BAHCC1: variants seen among roughly 807,000 people sequenced by gnomAD.
BAHCC1 encodes BAH and coiled-coil domain-containing protein 1.
A neutral mutation model predicts 88.2 loss-of-function variants in BAHCC1; 43 were observed. The observed-to-expected ratio is 0.49, with a 90% CI of 0.38 to 0.63. The LOEUF (loss-of-function observed/expected upper bound fraction) is 0.63. Ranked by LOEUF, BAHCC1 falls within the 20% of genes least tolerant of loss-of-function variation. BAHCC1 has a pLI of 0.00. For synonymous variants in BAHCC1, 1,510 were observed against 745.5 expected (o/e 2.03, Z -16.71); for missense variants, 3,023 against 1,654.8 (o/e 1.83, Z -14.34).
chr17:81,461,170 C>T lies in BAHCC1; in HGVS notation c.6507C>T (p.Val2169=), dbSNP rs782800037. 19 of 751,340 alleles carry T rather than the reference C, an allele frequency of 2.5e-5. No individual in the cohort carries two copies. Among genetic ancestry groups the T allele is most frequent in the African/African-American group, 5.1e-5 (3 of 58,660 alleles). 46.5% of individuals were successfully genotyped at this position (751,340 alleles called of 1,614,324 possible). The change falls in exon 26 of 28, where the codon GTC becomes GTT. Residue 2169 remains valine (V), a synonymous_variant. Transcript: ENST00000675386. ...SSLASSYAPF[V]GGTGPGLPRG... ...TGGCCAGCTCCTACGCGCCCTTCGT[C>T]GGGGGGACCGGGCCGGGCCTCCCCA...
At position 81,443,371 on chromosome 17, in the gene BAHCC1, C is replaced by T. The variant is rs2143522855; in HGVS notation, c.2022C>T (p.Gly674=). Reference sequence around the variant, plus strand: ...AAGCAAAGTTCCTGTCCTCTAAGGGCCCAGGCCAGTCGGAGAGGCCGGACT... The same window carrying T: ...AAGCAAAGTTCCTGTCCTCTAAGGGTCCAGGCCAGTCGGAGAGGCCGGACT... ...QQEAKFLSSK[G]PGQSERPDCA... The change falls in exon 5 of 28, where the codon GGC becomes GGT. Residue 674 remains glycine (G), a synonymous_variant. Transcript: ENST00000675386. 1.3e-6 allele frequency: 1 copy of T among 777,074 alleles called. No individual in the cohort carries two copies. Among genetic ancestry groups the T allele is most frequent in the East Asian group, 2.4e-5 (1 of 41,132 alleles). 48.1% of individuals were successfully genotyped at this position (777,074 alleles called of 1,614,324 possible). A position where few individuals can be genotyped will look rare whatever the true frequency, so the allele number is the denominator to read the frequency against.
In BAHCC1 at chr17:81,443,881, A is replaced by G. The variant is rs2064472200; in HGVS notation, c.2288A>G (p.Asp763Gly). 5.6e-6 allele frequency: 4 copies of G among 713,562 alleles called. No homozygotes were observed. Among genetic ancestry groups the G allele is most frequent in the Admixed American group, 2.0e-5 (1 of 50,018 alleles). 44.2% of individuals were successfully genotyped at this position (713,562 alleles called of 1,614,324 possible). ...GAGGAGAGGACGAGGCTATGTGATG[A>G]CCGCCTGGGGCTTGCCAGCCGCGAG... ...AEEERTRLCD[D>G]RLGLASRELL... is the part of the protein sequence containing the mutation. Residue 763 changes from aspartate (D) to glycine (G), a missense_variant, in exon 6 of 28, where the codon GAC (aspartate) becomes GGC (glycine). Physicochemically the swap from Asp to Gly is moderately conservative, Grantham distance 94. Coordinates refer to ENST00000675386, the MANE Select transcript of BAHCC1 (RefSeq NM_001377448.1).
intron 14 of BAHCC1, among the ~76,000 whole-genome samples, chr17:81,454,227 A>ATG (rs200676774): frequency 1.3e-5 from 2 of 152,100 alleles, no homozygotes; most frequent in African/African-American, 4.8e-5. Context: ...CCCACACAAG[A>ATG]GGGGGAGCCC....
chr17:81,463,308 C>T (rs1409343215), intron 27 of BAHCC1, among the ~76,000 whole-genome samples: 2 of 152,222 alleles, frequency 1.3e-5, no homozygotes, highest in South Asian at 2.1e-4. Context: ...ACTCAGCACA[C>T]CCTCTGCTCC....
In BAHCC1 at chr17:81,464,069, C is replaced by T. The variant is rs2030532947; in HGVS notation, c.*252C>T. ...GTGGCCCTCATGGGTCCCCGGCCCGCCCCACCCACAGCGCCCTCCGTTTCC... is the reference window on the plus strand; with the variant it reads ...GTGGCCCTCATGGGTCCCCGGCCCGTCCCACCCACAGCGCCCTCCGTTTCC... On this transcript the variant is annotated 3_prime_UTR_variant, in exon 28 of 28. Transcript: ENST00000675386. The T allele has an allele frequency of 1.8e-6, 1 of 569,014 alleles. No individual in the cohort carries two copies. The highest frequency in any genetic ancestry group is 3.2e-6 in the Non-Finnish European group (1 of 316,960). 35.2% of individuals were successfully genotyped at this position (569,014 alleles called of 1,614,324 possible).
intron 2 of BAHCC1, among the ~76,000 whole-genome samples, chr17:81,415,986 C>G (rs553855206): frequency 6.7e-6 from 1 of 150,140 alleles, no homozygotes; most frequent in African/African-American, 2.4e-5. Flanking sequence ...GTGCGTGTGT[C>G]CATGAGGATG....
intron 3 of BAHCC1, among the ~76,000 whole-genome samples, chr17:81,438,160 C>G (rs933563085): frequency 2.8e-4 from 43 of 152,210 alleles, no homozygotes; most frequent in South Asian, 2.1e-4. Context: ...ATCAGCAATT[C>G]AATTTGTGCC....
rs1555651623 is a variant in BAHCC1, at chr17:81,435,621, G to A, written c.359-2749G>A. On this transcript the variant is annotated intron_variant, in intron 3 of 27. Coordinates refer to ENST00000675386, the MANE Select transcript of BAHCC1 (RefSeq NM_001377448.1). This position sits in a 1 kb window ranked among gnomAD's most constrained non-coding sequence, Gnocchi z 4.4. Reference sequence around the variant, plus strand: ...TGCAGTTGAGGACCTCTGGCTCTGGGTTCATATGGCCCCAGACCCTGCTGG... The same window carrying A: ...TGCAGTTGAGGACCTCTGGCTCTGGATTCATATGGCCCCAGACCCTGCTGG... Among the ~76,000 whole-genome samples the A allele has an allele frequency of 6.6e-6, 1 of 152,180 alleles. No homozygotes were observed. Among genetic ancestry groups the A allele is most frequent in the Non-Finnish European group, 1.5e-5 (1 of 68,014 alleles).
chr17:81,425,897 TG>T (rs1365246393), intron 2 of BAHCC1, among the ~76,000 whole-genome samples: 2 of 135,872 alleles, frequency 1.5e-5, no homozygotes, highest in East Asian at 2.4e-4. Flanking sequence ...ATGTGGTTGG[TG>T]GGTGATGTCA....
intron 2 of BAHCC1, chr17:81,413,210 C>A: frequency 3.1e-6 from 1 of 317,478 alleles, no homozygotes; most frequent in Non-Finnish European, 6.3e-6. Flanking sequence ...CCTGTGCTGA[C>A]CATGCCCCCC....
At position 81,445,369 on chromosome 17, in the gene BAHCC1, C is replaced by T; in HGVS notation, c.2851C>T (p.Gln951Ter). ...AAQFQRKPED[Q>*]HLDLEEPAQE... ...TCCCTGACAGCGGAAGCCCGAAGACCAGCACCTGGATCTGGAGGAGCCCGC... is the reference window on the plus strand; with the variant it reads ...TCCCTGACAGCGGAAGCCCGAAGACTAGCACCTGGATCTGGAGGAGCCCGC... Residue 951 changes from glutamine to a stop codon, truncating the protein, a stop_gained, in exon 10 of 28, where the codon CAG becomes TAG. Transcript: ENST00000675386. LOFTEE classifies it high-confidence loss of function. The T allele has an allele frequency of 1.3e-6, 1 of 776,096 alleles. No homozygotes were observed. The highest frequency in any genetic ancestry group is 2.4e-5 in the East Asian group (1 of 41,072). The allele number at this position is 776,096 out of a possible 1,614,324, so 48.1% of individuals were successfully genotyped here.
chr17:81,406,839 T>C (rs1567994895), intron 2 of BAHCC1: 4 of 455,194 alleles, frequency 8.8e-6, no homozygotes, highest in African/African-American at 2.0e-5. Flanking sequence ...GAGCCTCGGG[T>C]CTGGTGGGGA....
intron 11 of BAHCC1, among the ~76,000 whole-genome samples, chr17:81,450,548 C>T (rs183467170): frequency 2.5e-3 from 381 of 152,314 alleles, no homozygotes; most frequent in Non-Finnish European, 4.3e-3. Context: ...GCCCTGGCAG[C>T]CCCTTCCTCC....
Position 81,456,523 on chromosome 17 carries a change from ACGG to A in BAHCC1, c.4798_4800del (p.Gly1600del). 1.4e-6 allele frequency: 1 copy of A among 716,146 alleles called. No homozygotes were observed. The highest frequency in any genetic ancestry group is 1.5e-5 in the South Asian group (1 of 67,418). The allele number at this position is 716,146 out of a possible 1,614,324, so 44.4% of individuals were successfully genotyped here. ...ACACGGCACCCACAGCCCAAGGGCC[ACGG>A]CAGCCGGGAGACACCCAGGTGCCCA... On this transcript the variant is annotated inframe_deletion, in exon 16 of 28. Coordinates refer to ENST00000675386, the MANE Select transcript of BAHCC1 (RefSeq NM_001377448.1).
At chr17:81,419,919 G>T (rs550590680) in intron 2 of BAHCC1, among the ~76,000 whole-genome samples, 1 of 151,766 alleles carries the variant, frequency 6.6e-6, no homozygotes, top group Admixed American at 6.6e-5. Flanking sequence ...CCCGGCTCCC[G>T]GGCCCTGCCG....
intron 27 of BAHCC1, 28 bp downstream of exon 27, chr17:81,463,004 GC>G: frequency 1.3e-6 from 1 of 770,998 alleles, no homozygotes; most frequent in Non-Finnish European, 2.4e-6. Flanking sequence ...GTGGGGCCCA[GC>G]CCCCCTCGGG....
In BAHCC1 at chr17:81,452,038, C is replaced by T. The variant is rs781824711; in HGVS notation, c.4247C>T (p.Ala1416Val). Residue 1416 changes from alanine (A) to valine (V), a missense_variant, in exon 13 of 28, where the codon GCG becomes GTG. Ala to Val is a moderately conservative substitution (Grantham distance 64, BLOSUM62 0). Coordinates refer to ENST00000675386, the MANE Select transcript of BAHCC1 (RefSeq NM_001377448.1). ...TQEVGMRVRL[A>V]ELQRRYKEKQ... ...GAGGTGGGGATGCGCGTGCGGCTGGCGGAGCTGCAGCGGCGCTACAAGGAG... is the reference window on the plus strand; with the variant it reads ...GAGGTGGGGATGCGCGTGCGGCTGGTGGAGCTGCAGCGGCGCTACAAGGAG... The T allele has an allele frequency of 3.2e-6, 2 of 627,952 alleles. No homozygotes were observed. The highest frequency in any genetic ancestry group is 1.9e-5 in the African/African-American group (1 of 53,386). The allele number at this position is 627,952 out of a possible 1,614,324, so 38.9% of individuals were successfully genotyped here.
rs782703602 is a variant in BAHCC1 at position 81,463,724 on chromosome 17, C to T, written c.7734C>T (p.Cys2578=). The T allele has an allele frequency of 1.3e-4, 99 of 779,208 alleles. No homozygotes were observed. The Admixed American group carries it at 1.6e-3, about 13-fold the overall frequency. 48.3% of individuals were successfully genotyped at this position (779,208 alleles called of 1,614,324 possible). ...QYEQMARSRK[C]QDRQDLYYLA... is the part of the protein sequence containing the mutation. The stretch of plus-strand genomic sequence containing the variant: ...AGCAGATGGCCCGGAGCCGCAAGTG[C>T]CAGGACCGGCAGGACCTCTACTACC... The change falls in exon 28 of 28, where the codon TGC becomes TGT. Residue 2578 remains cysteine, a synonymous_variant. Transcript: ENST00000675386.
rs1045554451 is a variant in BAHCC1 at position 81,435,247 on chromosome 17, G to A, written c.359-3123G>A. Among the ~76,000 whole-genome samples the A allele has an allele frequency of 1.3e-5, 2 of 152,140 alleles. No individual in the cohort carries two copies. Among genetic ancestry groups the A allele is most frequent in the Non-Finnish European group, 2.9e-5 (2 of 68,012 alleles). On this transcript the variant is annotated intron_variant, in intron 3 of 27. Transcript: ENST00000675386. The surrounding 1 kb of genome is among the most constrained non-coding windows in gnomAD (Gnocchi z 4.4). ...TGGGGGTGTGGCCATTGTGTCCCCC[G>A]CCCAGCCCACGCGTGGCCCCCTGGC...
Sources: gnomAD v4.1 joint callset for allele counts (sites outside exome capture counted in the v4.1 genomes callset) on GRCh38, gnomAD v4.1.1 for gene constraint, Gnocchi (gnomAD v3.1) non-coding constraint, MANE v1.5 for transcripts, NCBI Gene and HGNC (gene_info 2026-07-23, HGNC 2026-07-21) for gene names.